Variants in KLHL1 observed in about 807,000 individuals in gnomAD.
KLHL1 encodes the protein kelch-like protein 1.
KLHL1 carries 47 observed loss-of-function variants against 77.7 expected under a neutral mutation model. That is an observed-to-expected ratio of 0.60 (90% CI 0.48 to 0.77). The LOEUF (loss-of-function observed/expected upper bound fraction) is 0.77. Ranked by LOEUF, KLHL1 falls within the 30% of genes least tolerant of loss-of-function variation. The pLI, the probability that KLHL1 is intolerant of heterozygous loss-of-function variation, is 0.00. For missense variants in KLHL1, 925 were observed against 910.8 expected, an observed-to-expected ratio of 1.02 and a Z score of -0.20; for synonymous variants, 360 against 325.2, an observed-to-expected ratio of 1.11 and a Z score of -1.15.
At chr13:69,721,511 T>A (rs1873062764) in intron 8 of KLHL1, among the ~76,000 whole-genome samples, 1 of 151,954 alleles carries the variant, frequency 6.6e-6, no homozygotes, top group South Asian at 2.1e-4. Context: ...TTTTCTTTAC[T>A]ATGGACAATA....
chr13:69,957,093 T>A (rs1002280511), intron 3 of KLHL1, among the ~76,000 whole-genome samples: 2 of 151,690 alleles, frequency 1.3e-5, no homozygotes, highest in Non-Finnish European at 3.0e-5. Context: ...ATCAAAGGCT[T>A]ATTGAAGATT....
chr13:69,868,196 T>C (rs1046228228), intron 5 of KLHL1, among the ~76,000 whole-genome samples: 6 of 152,082 alleles, frequency 3.9e-5, no homozygotes, highest in Admixed American at 3.9e-4. Flanking sequence ...AGCAGACATA[T>C]AGTGAAATAT....
At chr13:70,025,736 T>G (rs1885924240) in intron 1 of KLHL1, among the ~76,000 whole-genome samples, 1 of 151,782 alleles carries the variant, frequency 6.6e-6, no homozygotes, top group African/African-American at 2.4e-5. Context: ...AATATGCATG[T>G]TTTAAAAATA....
Position 70,106,103 on chromosome 13 carries a change from G to A in KLHL1, c.497+1100C>T, listed in dbSNP as rs189595427. Among the ~76,000 whole-genome samples the A allele has an allele frequency of 5.3e-5, 8 of 151,330 alleles. No individual in the cohort carries two copies. In the East Asian group the frequency reaches 7.8e-4, roughly 15 times the overall value. On this transcript the variant is annotated intron_variant, in intron 1 of 10. Coordinates refer to ENST00000377844, the MANE Select transcript of KLHL1 (RefSeq NM_020866.3). The stretch of plus-strand genomic sequence containing the variant: ...TACACACACATATATACACATATAG[G>A]TTATACATATATAATTTTATCTATT...
At chr13:69,841,720 T>C (rs1230226268) in intron 5 of KLHL1, among the ~76,000 whole-genome samples, 1 of 151,684 alleles carries the variant, frequency 6.6e-6, no homozygotes, top group East Asian at 1.9e-4. Context: ...AAAATATATA[T>C]AAAACATCAA....
intron 7 of KLHL1, among the ~76,000 whole-genome samples, chr13:69,750,184 T>C (rs1027187861): frequency 2.0e-5 from 3 of 151,838 alleles, no homozygotes; most frequent in Non-Finnish European, 3.0e-5. Context: ...TCATAATATA[T>C]ATATGACCTT....
intron 1 of KLHL1, among the ~76,000 whole-genome samples, chr13:70,095,165 G>A (rs756522129): frequency 3.3e-5 from 5 of 152,052 alleles, no homozygotes; most frequent in Non-Finnish European, 1.5e-5. Flanking sequence ...GAATGGTATC[G>A]GTTATAGATC....
Position 69,700,746 on chromosome 13 carries a change from T to A in KLHL1, c.*956A>T, listed in dbSNP as rs1035949877. On this transcript the variant is annotated 3_prime_UTR_variant, in exon 11 of 11. Transcript: ENST00000377844. ...AGATCAATGTAACAAGTTTGAAAAA[T>A]GGGCGATGAGAATATGAAGTCTGCC... The A allele has an allele frequency of 2.0e-5, 3 of 152,338 alleles. No individual in the cohort carries two copies. The highest frequency in any genetic ancestry group is 4.4e-5 in the Non-Finnish European group (3 of 67,860). 9.4% of individuals were successfully genotyped at this position (152,338 alleles called of 1,614,324 possible). A position where few individuals can be genotyped will look rare whatever the true frequency, so the allele number is the denominator to read the frequency against.
chr13:69,727,378 A>C (rs942403172), intron 8 of KLHL1, among the ~76,000 whole-genome samples: 7 of 152,124 alleles, frequency 4.6e-5, no homozygotes, highest in Non-Finnish European at 7.4e-5. Context: ...TTGAGCAGGA[A>C]ACTAAGTGGA....
chr13:69,930,886 T>C (rs1036937648), intron 4 of KLHL1, among the ~76,000 whole-genome samples: 4 of 151,652 alleles, frequency 2.6e-5, no homozygotes, highest in African/African-American at 9.7e-5. Flanking sequence ...AATTTATGCA[T>C]ATATGCGTTA....
intron 1 of KLHL1, among the ~76,000 whole-genome samples, chr13:69,997,919 G>A (rs1352242264): frequency 6.6e-6 from 1 of 151,606 alleles, no homozygotes; most frequent in Non-Finnish European, 1.5e-5. Context: ...AAACATAGGA[G>A]TGCACGTGTC....
chr13:69,936,785 C>A (rs2138293267), intron 4 of KLHL1, among the ~76,000 whole-genome samples: 1 of 152,046 alleles, frequency 6.6e-6, no homozygotes, highest in East Asian at 1.9e-4. Context: ...AGATTTCAAC[C>A]TTCATTTCAA....
At chr13:70,009,217 G>A (rs939277078) in intron 1 of KLHL1, among the ~76,000 whole-genome samples, 10 of 152,072 alleles carry the variant, frequency 6.6e-5, no homozygotes, top group Non-Finnish European at 1.5e-5. Flanking sequence ...GTGTCGTAGT[G>A]CTTTGAACGA....
chr13:70,061,340 AT>A (rs34892755), intron 1 of KLHL1, among the ~76,000 whole-genome samples: 62,167 of 145,742 alleles, frequency 0.43, 14,676 homozygotes, highest in Middle Eastern at 0.59. Flanking sequence ...CCTGAATTCC[AT>A]TTTTTTTTTT....
chr13:69,709,881 G>C (rs1228843170), intron 9 of KLHL1, among the ~76,000 whole-genome samples: 1 of 142,620 alleles, frequency 7.0e-6, no homozygotes, highest in African/African-American at 2.4e-5. Flanking sequence ...AATTTTTCTA[G>C]TACAAATAAC....
intron 1 of KLHL1, among the ~76,000 whole-genome samples, chr13:70,026,764 CAG>C (rs1213393330): frequency 1.5e-5 from 2 of 134,078 alleles, no homozygotes; most frequent in Admixed American, 7.2e-5. Flanking sequence ...GAGAGAGAGA[CAG>C]AGAGAGATAA....
chr13:70,103,434 G>A (rs1473421699), intron 1 of KLHL1, among the ~76,000 whole-genome samples: 1 of 152,090 alleles, frequency 6.6e-6, no homozygotes, highest in Non-Finnish European at 1.5e-5. Flanking sequence ...GGAAAAAGGA[G>A]AATGAGGGAG....
At chr13:70,060,622 T>C (rs181315688) in intron 1 of KLHL1, among the ~76,000 whole-genome samples, 2 of 151,988 alleles carry the variant, frequency 1.3e-5, no homozygotes, top group Non-Finnish European at 2.9e-5. Flanking sequence ...GGCGCGTGGA[T>C]CACTTGAGGT....
rs140155912 is a variant in KLHL1 at position 70,095,760 on chromosome 13, T to G, written c.497+11443A>C. On this transcript the variant is annotated intron_variant, in intron 1 of 10. Transcript: ENST00000377844. ...TAACTATAGTCATCCCATTGTGCTA[T>G]TTAACACAGCATCTTATTCCTTCTA... Among the ~76,000 whole-genome samples, 3 of 152,270 alleles carry G rather than the reference T, an allele frequency of 2.0e-5. No homozygotes were observed. The South Asian group carries it at 6.2e-4, about 32-fold the overall frequency.
Sources: gnomAD v4.1 joint callset for allele counts (sites outside exome capture counted in the v4.1 genomes callset) on GRCh38, gnomAD v4.1.1 for gene constraint, MANE v1.5 for transcripts, NCBI Gene and HGNC (gene_info 2026-07-23, HGNC 2026-07-21) for gene names.